Variants in CECR2 observed in about 807,000 individuals in gnomAD.
CECR2 encodes CECR2 histone acetyl-lysine reader.
A neutral mutation model predicts 154.5 loss-of-function variants in CECR2; 30 were observed. That is an observed-to-expected ratio of 0.19 (90% CI 0.15 to 0.26). The LOEUF (loss-of-function observed/expected upper bound fraction) is 0.26. CECR2 is among the 10% of genes least tolerant of loss of function. The pLI is 1.00. For missense variants in CECR2, 1,743 were observed against 1,829.3 expected (o/e 0.95, Z 0.86); for synonymous variants, 725 against 683.7 (o/e 1.06, Z -0.94).
intron 4 of CECR2, 42 bp downstream of exon 4, chr22:17,499,591 A>G (rs776365846): frequency 1.3e-6 from 2 of 1,541,962 alleles, no homozygotes; most frequent in African/African-American, 2.8e-5. Flanking sequence ...ACTGTATTAA[A>G]ATGTCATTAA....
intron 1 of CECR2, among the ~76,000 whole-genome samples, chr22:17,467,301 C>T (rs557602109): frequency 5.3e-5 from 8 of 152,266 alleles, no homozygotes; most frequent in South Asian, 2.1e-4. Flanking sequence ...AGTGAACAAT[C>T]GGAACACGTG....
Position 17,538,911 on chromosome 22 carries a change from C to G in CECR2, c.1369-82C>G, listed in dbSNP as rs1385576428. On this transcript the variant is annotated intron_variant, in intron 12 of 18. Coordinates refer to ENST00000262608, the MANE Select transcript of CECR2 (RefSeq NM_001290047.2). ...TTACAGATCAGCATTGCTGAATTCT[C>G]ATTATCTCTCTGTCTCTCTCTCTCT... 1.7e-5 allele frequency: 26 copies of G among 1,505,888 alleles called. No homozygotes were observed. In the African/African-American group the frequency reaches 2.2e-4, roughly 13 times the overall value. The allele number at this position is 1,505,888 out of a possible 1,614,324, so 93.3% of individuals were successfully genotyped here.
At chr22:17,398,951 C>T (rs2053852621) in intron 1 of CECR2, among the ~76,000 whole-genome samples, 2 of 152,160 alleles carry the variant, frequency 1.3e-5, no homozygotes, top group African/African-American at 4.8e-5. Context: ...ATATTGGGCT[C>T]CCTCTGAGGT....
chr22:17,523,755 C>CAAAAAA (rs66963477), intron 8 of CECR2, among the ~76,000 whole-genome samples: 1 of 101,162 alleles, frequency 9.9e-6, no homozygotes, highest in Non-Finnish European at 2.0e-5. Flanking sequence ...GACTCTATCT[C>CAAAAAA]AAAAAAAAAA....
At chr22:17,405,468 A>AAT (rs367789680) in intron 1 of CECR2, among the ~76,000 whole-genome samples, 30 of 140,536 alleles carry the variant, frequency 2.1e-4, no homozygotes, top group African/African-American at 3.7e-4. Flanking sequence ...TATAAAATAA[A>AAT]ATAAAATATA....
chr22:17,460,287 A>G (rs1201686930), intron 1 of CECR2, among the ~76,000 whole-genome samples: 6 of 152,152 alleles, frequency 3.9e-5, no homozygotes, highest in Non-Finnish European at 7.4e-5. Flanking sequence ...TTGGTTCACT[A>G]CAACCTCTGT....
intron 1 of CECR2, among the ~76,000 whole-genome samples, chr22:17,439,829 C>T: frequency 6.6e-6 from 1 of 152,034 alleles, no homozygotes; most frequent in East Asian, 1.9e-4. Context: ...AAATGGAGAA[C>T]AGAGTGAAAG....
At chr22:17,546,868 G>T (rs1487112373) in intron 16 of CECR2, among the ~76,000 whole-genome samples, 2 of 151,660 alleles carry the variant, frequency 1.3e-5, no homozygotes, top group Non-Finnish European at 2.9e-5. Context: ...GTGAAATCTT[G>T]TCTCTACTAA....
intron 1 of CECR2, among the ~76,000 whole-genome samples, chr22:17,372,710 G>C (rs2063074847): frequency 6.6e-6 from 1 of 152,022 alleles, no homozygotes. Flanking sequence ...AAATTCAAAT[G>C]CCGAGCCGTA....
chr22:17,421,895 A>G (rs1385033648), intron 1 of CECR2, among the ~76,000 whole-genome samples: 2 of 145,510 alleles, frequency 1.4e-5, no homozygotes, highest in Non-Finnish European at 3.0e-5. Flanking sequence ...TAAATTTCTT[A>G]CAAGGCAGGT....
At chr22:17,432,588 A>G (rs544298244) in intron 1 of CECR2, among the ~76,000 whole-genome samples, 1 of 152,350 alleles carries the variant, frequency 6.6e-6, no homozygotes, top group East Asian at 1.9e-4. Context: ...TCTCACCAGC[A>G]GTGTATGAGG....
At chr22:17,380,602 G>C (rs538083265) in intron 1 of CECR2, among the ~76,000 whole-genome samples, 39 of 152,296 alleles carry the variant, frequency 2.6e-4, no homozygotes, top group Admixed American at 9.8e-4. Context: ...GAATGTGTGA[G>C]TGGCTGTCAG....
chr22:17,520,540 C>T (rs1197333307), intron 8 of CECR2, among the ~76,000 whole-genome samples: 3 of 152,126 alleles, frequency 2.0e-5, no homozygotes, highest in Non-Finnish European at 4.4e-5. Context: ...TCATCATTTA[C>T]ATTAGGTATT....
intron 1 of CECR2, 48 bp downstream of exon 1, chr22:17,369,957 C>G (rs1284417466): frequency 6.6e-6 from 1 of 151,260 alleles, no homozygotes; most frequent in Non-Finnish European, 1.5e-5. Context: ...CCCCTGCTCC[C>G]CCTGCCCCGC....
chr22:17,542,485 C>G lies in CECR2; in HGVS notation c.2342C>G (p.Thr781Arg). The G allele has an allele frequency of 6.2e-7, 1 of 1,613,954 alleles. No homozygotes were observed. Among genetic ancestry groups the G allele is most frequent in the Non-Finnish European group, 8.5e-7 (1 of 1,179,866 alleles). The change falls in exon 16 of 19, where the codon ACG becomes AGG. Residue 781 changes from threonine (T) to arginine (R), a missense_variant. Around this residue, in one of 4 missense-constraint regions of CECR2, gnomAD observed 1,250 missense variants for 1,192.1 expected, o/e 1.05. Coordinates refer to ENST00000262608, the MANE Select transcript of CECR2 (RefSeq NM_001290047.2). ...SAVWNGNHGA[T>R]NQGPLGPDEK... ...GTCTGGAATGGGAACCATGGTGCTA[C>G]GAACCAAGGACCCTTGGGCCCAGAT...
chr22:17,471,171 A>G (rs546040426), intron 1 of CECR2, among the ~76,000 whole-genome samples: 1 of 152,318 alleles, frequency 6.6e-6, no homozygotes, highest in East Asian at 1.9e-4. Flanking sequence ...GTGGCTTTTT[A>G]TATTCCAGCC....
In CECR2 at chr22:17,548,259, G is replaced by A. The variant is rs1346908972; in HGVS notation, c.2972G>A (p.Arg991Lys). 3.1e-6 allele frequency: 5 copies of A among 1,604,962 alleles called. No individual in the cohort carries two copies. The Admixed American group carries it at 5.1e-5, about 16-fold the overall frequency. Reference protein sequence around the residue: ...PTPPLQTDCTRQSSPQERETV... With the variant: ...PTPPLQTDCTKQSSPQERETV... The stretch of plus-strand genomic sequence containing the variant: ...CCTCCCCTGCAGACTGACTGCACCA[G>A]GCAGAGCTCACCACAAGAAAGGGAA... Residue 991 changes from arginine (R) to lysine (K), a missense_variant, in exon 17 of 19, where the codon AGG becomes AAG. Transcript: ENST00000262608.
chr22:17,499,631 A>T, intron 4 of CECR2, 82 bp downstream of exon 4: 1 of 1,375,168 alleles, frequency 7.3e-7, no homozygotes, highest in Non-Finnish European at 9.7e-7. Flanking sequence ...CTACAGCACA[A>T]TTTTTTTTTC....
At chr22:17,461,031 A>G (rs79717408) in intron 1 of CECR2, among the ~76,000 whole-genome samples, 1,703 of 152,154 alleles carry the variant, frequency 0.011, 28 homozygotes, top group African/African-American at 0.038. Context: ...AGACCTGTCA[A>G]TCCTGTGGTT....
Sources: gnomAD v4.1 joint callset for allele counts (sites outside exome capture counted in the v4.1 genomes callset) on GRCh38, gnomAD v4.1.1 for gene constraint, gnomAD v4.1.1 regional missense constraint, MANE v1.5 for transcripts, NCBI Gene and HGNC (gene_info 2026-07-23, HGNC 2026-07-21) for gene names.